The following ATG7 variants were observed in gnomAD, a reference collection of about 807,000 sequenced individuals.
The protein encoded by ATG7 is ubiquitin-like modifier-activating enzyme ATG7.
In ATG7, 70 loss-of-function variants were observed where a neutral mutation model predicts 82.4. The observed-to-expected ratio is 0.85, with a 90% CI of 0.70 to 1.04. The LOEUF (loss-of-function observed/expected upper bound fraction) is 1.04. Ranked by LOEUF, ATG7 falls within the 50% of genes least tolerant of loss-of-function variation. ATG7 has a pLI of 0.00. For missense variants in ATG7, 792 were observed against 864.3 expected, an observed-to-expected ratio of 0.92 and a Z score of 1.05; for synonymous variants, 287 against 313.0, an observed-to-expected ratio of 0.92 and a Z score of 0.88.
chr3:11,321,969 C>A (rs1477296308), intron 9 of ATG7, among the ~76,000 whole-genome samples: 1 of 152,176 alleles, frequency 6.6e-6, no homozygotes, highest in African/African-American at 2.4e-5. Context: ...ATAAGAGAAG[C>A]CCCTCCTGAG....
intron 20 of ATG7, among the ~76,000 whole-genome samples, chr3:11,518,501 C>T (rs925552554): frequency 1.3e-5 from 2 of 151,092 alleles, no homozygotes; most frequent in Non-Finnish European, 2.9e-5. Flanking sequence ...GGCCTGAGAT[C>T]GTGCTACTGT....
intron 11 of ATG7, among the ~76,000 whole-genome samples, chr3:11,334,867 GA>G: frequency 6.8e-6 from 1 of 147,050 alleles, no homozygotes; most frequent in East Asian, 2.0e-4. Context: ...TGAGGCAGAA[GA>G]ATCGCTTGAA....
At chr3:11,293,134 C>CT (rs1213513927) in intron 3 of ATG7, among the ~76,000 whole-genome samples, 2 of 152,190 alleles carry the variant, frequency 1.3e-5, no homozygotes, top group Non-Finnish European at 2.9e-5. Context: ...TCTGAGGAAT[C>CT]TAAGTCCTGG....
At chr3:11,560,126 G>C (rs140457675), downstream of ATG7, among the ~76,000 whole-genome samples, 47 of 151,836 alleles carry the variant, frequency 3.1e-4, no homozygotes, top group Middle Eastern at 3.4e-3. Flanking sequence ...ATCTCTCTCT[G>C]AAGCCTTTCA....
At chr3:11,380,720 G>A (rs890398621) in intron 19 of ATG7, among the ~76,000 whole-genome samples, 1 of 152,188 alleles carries the variant, frequency 6.6e-6, no homozygotes, top group African/African-American at 2.4e-5. Context: ...CTGCTGCCCA[G>A]CGACTTGACC....
In ATG7 at chr3:11,281,103, G is replaced by T. The variant is rs1337857064; in HGVS notation, c.-257+1G>T. 1 of 152,172 alleles carries T rather than the reference G, an allele frequency of 6.6e-6. No homozygotes were observed. Among genetic ancestry groups the T allele is most frequent in the African/African-American group, 2.4e-5 (1 of 41,440 alleles). 9.4% of individuals were successfully genotyped at this position (152,172 alleles called of 1,614,324 possible). ...CGTCTATGATTCTTCCCTGATCAAG[G>T]TAGGAATGCAGTTACTCTGTCATGA... On this transcript the variant is annotated splice_donor_variant, in intron 2 of 20. Transcript: ENST00000693202. LOFTEE classifies it low-confidence loss of function (5UTR_SPLICE).
At chr3:11,330,490 G>A (rs548607961) in intron 9 of ATG7, among the ~76,000 whole-genome samples, 2 of 152,234 alleles carry the variant, frequency 1.3e-5, no homozygotes, top group South Asian at 4.1e-4. Context: ...TATCACCTTG[G>A]CATGCCCCAA....
At chr3:11,363,241 CT>C (rs111618869) in intron 17 of ATG7, 4,845 of 155,848 alleles carry the variant, frequency 0.031, no homozygotes, top group South Asian at 0.083. Context: ...CTCCTTCAAT[CT>C]TTTTTTTTTT....
intron 20 of ATG7, among the ~76,000 whole-genome samples, chr3:11,499,747 CAAA>C (rs1166664089): frequency 2.1e-4 from 20 of 96,416 alleles, no homozygotes; most frequent in East Asian, 1.8e-3. Flanking sequence ...AACTCCATCT[CAAA>C]AAAAAAAAAA....
At chr3:11,523,543 AT>A (rs377575769) in intron 20 of ATG7, among the ~76,000 whole-genome samples, 46 of 152,328 alleles carry the variant, frequency 3.0e-4, no homozygotes, top group African/African-American at 1.1e-3. Flanking sequence ...CTGTGCTGCC[AT>A]TCCTCAGGGA....
In ATG7 at chr3:11,475,044, T is replaced by A. The variant is rs534730469; in HGVS notation, c.2079+48118T>A. On this transcript the variant is annotated intron_variant, in intron 20 of 20. Coordinates refer to ENST00000693202, the MANE Select transcript of ATG7 (RefSeq NM_001349232.2). ...GAGTGACTTAACTTTTTTTTTTTTT[T>A]AAATCCTGGCCACTGTGTGGGGAAT... Among the ~76,000 whole-genome samples the A allele has an allele frequency of 1.8e-3, 268 of 151,740 alleles. 1 individual carries two copies. Among genetic ancestry groups the A allele is most frequent in the African/African-American group, 5.3e-3 (218 of 41,360 alleles).
intron 3 of ATG7, among the ~76,000 whole-genome samples, chr3:11,295,800 T>C (rs893885265): frequency 6.6e-6 from 1 of 151,078 alleles, no homozygotes; most frequent in Non-Finnish European, 1.5e-5. Context: ...TTTTTTTTTT[T>C]TTTGAGATGG....
the ATG7 span, among the ~76,000 whole-genome samples, chr3:11,572,146 G>A: frequency 3.4e-4 from 51 of 152,220 alleles, no homozygotes; most frequent in African/African-American, 1.2e-3. Flanking sequence ...AGTGATTGAC[G>A]TTGAGTATCT....
chr3:11,350,106 C>T (rs1171609631), intron 14 of ATG7, among the ~76,000 whole-genome samples: 1 of 152,180 alleles, frequency 6.6e-6, no homozygotes, highest in African/African-American at 2.4e-5. Context: ...CAAAGTTTCT[C>T]TCTTTAGTCA....
intron 20 of ATG7, among the ~76,000 whole-genome samples, chr3:11,548,179 T>G (rs1283441595): frequency 1.3e-5 from 2 of 152,188 alleles, no homozygotes; most frequent in African/African-American, 2.4e-5. Context: ...TTCTTTTTAT[T>G]ATTGCGTTGT....
At chr3:11,569,935 C>G in the ATG7 span, among the ~76,000 whole-genome samples, 2 of 152,322 alleles carry the variant, frequency 1.3e-5, no homozygotes, top group Admixed American at 1.3e-4. Flanking sequence ...CCTCAGAAAA[C>G]AGACTTAATG....
At chr3:11,540,918 G>GGT (rs1559817998) in intron 20 of ATG7, among the ~76,000 whole-genome samples, 2 of 106,974 alleles carry the variant, frequency 1.9e-5, no homozygotes, top group Non-Finnish European at 3.7e-5. Context: ...GGGGGGGGGA[G>GGT]GGGGGGAGTC....
intron 3 of ATG7, among the ~76,000 whole-genome samples, chr3:11,288,316 C>A (rs1337983156): frequency 6.6e-6 from 1 of 152,076 alleles, no homozygotes. Context: ...ATCCATTGGC[C>A]CTTTGTGCGA....
At chr3:11,422,877 C>G (rs2152935420) in intron 19 of ATG7, among the ~76,000 whole-genome samples, 1 of 150,104 alleles carries the variant, frequency 6.7e-6, no homozygotes, top group East Asian at 2.0e-4. Context: ...GCCTCAGCTT[C>G]CCAGGTAGCT....
Sources: gnomAD v4.1 joint callset for allele counts (sites outside exome capture counted in the v4.1 genomes callset) on GRCh38, gnomAD v4.1.1 for gene constraint, MANE v1.5 for transcripts, NCBI Gene and HGNC (gene_info 2026-07-23, HGNC 2026-07-21) for gene names.